The following PPP1R12C variants were observed in gnomAD, a reference collection of about 807,000 sequenced individuals.
PPP1R12C encodes the protein leukocyte receptor cluster (LRC) encoded novel gene 3.
In PPP1R12C, 48 loss-of-function variants were observed where a neutral mutation model predicts 95.6. That is an observed-to-expected ratio of 0.50 (90% CI 0.40 to 0.64). PPP1R12C has a LOEUF of 0.64. PPP1R12C is among the 30% of genes least tolerant of loss of function. The pLI, the probability that PPP1R12C is intolerant of heterozygous loss-of-function variation, is 0.00. For synonymous variants in PPP1R12C, 480 were observed against 460.8 expected (o/e 1.04, Z -0.53); for missense variants, 1,057 against 1,083.3 (o/e 0.98, Z 0.34).
At chr19:55,103,252 A>T (rs554820655) in intron 4 of PPP1R12C, among the ~76,000 whole-genome samples, 157 bp downstream of exon 4, 7 of 152,166 alleles carry the variant, frequency 4.6e-5, no homozygotes, top group Non-Finnish European at 7.4e-5. Flanking sequence ...GAATGACAAT[A>T]AAAAAAAGAC....
Position 55,109,630 on chromosome 19 carries a change from G to T in PPP1R12C, c.571+2837C>A, listed in dbSNP as rs1344466646. ...CAGGGAAAGCGAAGGGGATGGTCGTGCCTGAGGCCGGTCTGTCTTCTCTCC... is the reference window on the plus strand; with the variant it reads ...CAGGGAAAGCGAAGGGGATGGTCGTTCCTGAGGCCGGTCTGTCTTCTCTCC... On this transcript the variant is annotated intron_variant, in intron 3 of 21. Coordinates refer to ENST00000263433, the MANE Select transcript of PPP1R12C (RefSeq NM_017607.4). This position sits in a 1 kb window ranked among gnomAD's most constrained non-coding sequence, Gnocchi z 4.4. Among the ~76,000 whole-genome samples the T allele has an allele frequency of 3.3e-5, 5 of 152,264 alleles. No individual in the cohort carries two copies. Among genetic ancestry groups the T allele is most frequent in the Non-Finnish European group, 5.9e-5 (4 of 68,054 alleles).
rs2084885694 is a variant in PPP1R12C at position 55,094,438 on chromosome 19, G to A, written c.1593-3C>T. Reference sequence around the variant, plus strand: ...CCCGCACAGGCATCTGGTAGGACCTGAGGGAAGGGTCCCAACCTCAGACAG... The same window carrying A: ...CCCGCACAGGCATCTGGTAGGACCTAAGGGAAGGGTCCCAACCTCAGACAG... On this transcript the variant is annotated splice_region_variant and splice_polypyrimidine_tract_variant and intron_variant, in intron 12 of 21. Transcript: ENST00000263433. The A allele has an allele frequency of 1.2e-6, 2 of 1,613,732 alleles. No individual in the cohort carries two copies. Among genetic ancestry groups the A allele is most frequent in the Non-Finnish European group, 1.7e-6 (2 of 1,179,950 alleles).
At chr19:55,113,801 A>C (rs1603009490) in intron 1 of PPP1R12C, 1 of 254,164 alleles carries the variant, frequency 3.9e-6, no homozygotes. Context: ...GTTTATTTCC[A>C]CCCAGTTGTC....
chr19:55,091,391 G>T lies in PPP1R12C; in HGVS notation c.*81C>A. The T allele has an allele frequency of 7.3e-7, 1 of 1,371,278 alleles. No individual in the cohort carries two copies. The highest frequency in any genetic ancestry group is 1.0e-6 in the Non-Finnish European group (1 of 985,186). The allele number at this position is 1,371,278 out of a possible 1,614,324, so 84.9% of individuals were successfully genotyped here. ...TCTCTGAGACTTCCCCCGGAGCCCT[G>T]TCACTCGTGTTCACACGGGGGAAGG... is the stretch of plus-strand genomic sequence containing the variant. On this transcript the variant is annotated 3_prime_UTR_variant, in exon 22 of 22. Coordinates refer to ENST00000263433, the MANE Select transcript of PPP1R12C (RefSeq NM_017607.4).
intron 1 of PPP1R12C, chr19:55,114,281 C>T: frequency 6.4e-6 from 1 of 155,426 alleles, no homozygotes; most frequent in Non-Finnish European, 1.4e-5. Flanking sequence ...CTGTTCAGCC[C>T]TAAGAATCCT....
intron 3 of PPP1R12C, among the ~76,000 whole-genome samples, chr19:55,110,632 C>T (rs113908229): frequency 2.6e-5 from 4 of 152,038 alleles, no homozygotes; most frequent in Non-Finnish European, 5.9e-5. Context: ...CAACACTTTG[C>T]GAGGCCGAGG....
intron 4 of PPP1R12C, 34 bp from the exon 5 acceptor site, chr19:55,099,129 AGG>A (rs2084954639): frequency 6.8e-7 from 1 of 1,478,198 alleles, no homozygotes; most frequent in Non-Finnish European, 9.0e-7. Flanking sequence ...TCAGAGGCCA[AGG>A]CGGGGCCCTT....
rs1842402333 is a variant in PPP1R12C at position 55,091,351 on chromosome 19, A to G, written c.*121T>C. The stretch of plus-strand genomic sequence containing the variant: ...GCTCCCCTCCCAGTCCGGAGGTCCC[A>G]GGGGGGCTATGGCTTCTCTGAGACT... On this transcript the variant is annotated 3_prime_UTR_variant, in exon 22 of 22. Transcript: ENST00000263433. 3.7e-6 allele frequency: 4 copies of G among 1,067,218 alleles called. No homozygotes were observed. In the Middle Eastern group the frequency reaches 9.2e-4, roughly 246 times the overall value. The allele number at this position is 1,067,218 out of a possible 1,614,324, so 66.1% of individuals were successfully genotyped here.
At chr19:55,116,531 G>A (rs2147218751) in intron 1 of PPP1R12C, among the ~76,000 whole-genome samples, 1 of 152,314 alleles carries the variant, frequency 6.6e-6, no homozygotes, top group East Asian at 1.9e-4. Flanking sequence ...GACAGAAAGC[G>A]GCACAGGCCC....
chr19:55,113,733 T>A, intron 1 of PPP1R12C: 1 of 557,144 alleles, frequency 1.8e-6, no homozygotes, highest in Non-Finnish European at 2.6e-6. Context: ...CATGAGGTCA[T>A]GGAAACTCGG....
chr19:55,096,261 C>T lies in PPP1R12C; in HGVS notation c.1025+1G>A. 1 of 1,613,920 alleles carries T rather than the reference C, an allele frequency of 6.2e-7. No individual in the cohort carries two copies. The highest frequency in any genetic ancestry group is 8.5e-7 in the Non-Finnish European group (1 of 1,179,946). On this transcript the variant is annotated splice_donor_variant, in intron 7 of 21. Transcript: ENST00000263433. LOFTEE classifies it high-confidence loss of function. ...AGCCCTGGACTCCTCCCTCCCTATA[C>T]CTTCTGTGTTTGCTGCTAGAGGGCG...
chr19:55,096,651 C>T (rs1248385400), intron 6 of PPP1R12C, among the ~76,000 whole-genome samples: 2 of 152,158 alleles, frequency 1.3e-5, no homozygotes, highest in Non-Finnish European at 2.9e-5. Flanking sequence ...CCCGACCCCT[C>T]AGCATACCCA....
intron 1 of PPP1R12C, chr19:55,115,325 TG>T (rs947630740): frequency 6.6e-6 from 1 of 151,982 alleles, no homozygotes; most frequent in African/African-American, 2.4e-5. Flanking sequence ...CAATATAAAT[TG>T]GGGACTAGAA....
intron 1 of PPP1R12C, chr19:55,115,606 T>C (rs1371297370): frequency 6.7e-6 from 1 of 150,162 alleles, no homozygotes; most frequent in Non-Finnish European, 1.5e-5. Flanking sequence ...AAGCAAACCT[T>C]AGAGGTTCTG....
At chr19:55,092,121 A>G in intron 19 of PPP1R12C, 101 bp downstream of exon 19, 1 of 1,192,208 alleles carries the variant, frequency 8.4e-7, no homozygotes. Flanking sequence ...AGTGAAGCCC[A>G]GCCCCGCCGG....
chr19:55,094,686 G>C lies in PPP1R12C; in HGVS notation c.1567C>G (p.Pro523Ala). ...PNVPTASTAP[P>A]ADSRDRRRSY... The stretch of plus-strand genomic sequence containing the variant: ...CTCCGTCGGTCCCGGGAGTCCGCTG[G>C]GGGCGCCGTGGAGGCTGTGGGGACG... The change falls in exon 12 of 22, where the codon CCA becomes GCA. Residue 523 changes from proline to alanine, a missense_variant. Around this residue, in one of 5 missense-constraint regions of PPP1R12C, gnomAD observed 356 missense variants for 330.5 expected, o/e 1.08. Coordinates refer to ENST00000263433, the MANE Select transcript of PPP1R12C (RefSeq NM_017607.4). 6.2e-7 allele frequency: 1 copy of C among 1,605,018 alleles called. No individual in the cohort carries two copies. The highest frequency in any genetic ancestry group is 8.5e-7 in the Non-Finnish European group (1 of 1,177,442).
chr19:55,113,796 T>G (rs1294703149), intron 1 of PPP1R12C: 1 of 267,982 alleles, frequency 3.7e-6, no homozygotes. Flanking sequence ...GGCTCGTTTA[T>G]TTCCACCCAG....
At chr19:55,106,306 T>C (rs978071398) in intron 3 of PPP1R12C, among the ~76,000 whole-genome samples, 1 of 152,230 alleles carries the variant, frequency 6.6e-6, no homozygotes, top group African/African-American at 2.4e-5. Flanking sequence ...ATGATGAACA[T>C]CTGCCCATGG....
rs772021377 is a variant in PPP1R12C, at chr19:55,092,548, G to A, written c.1953-4C>T. The A allele has an allele frequency of 8.1e-6, 13 of 1,596,912 alleles. No homozygotes were observed. The highest frequency in any genetic ancestry group is 3.5e-5 in the Admixed American group (2 of 57,428). ...CGAGGGGCCGCCCTCCAGGGTGCTGGGGCAGGGGAGGAGCGCGCGTCAGGG... is the reference window on the plus strand; with the variant it reads ...CGAGGGGCCGCCCTCCAGGGTGCTGAGGCAGGGGAGGAGCGCGCGTCAGGG... On this transcript the variant is annotated splice_polypyrimidine_tract_variant and splice_region_variant and intron_variant, in intron 17 of 21. Coordinates refer to ENST00000263433, the MANE Select transcript of PPP1R12C (RefSeq NM_017607.4).
Sources: gnomAD v4.1 joint callset for allele counts (sites outside exome capture counted in the v4.1 genomes callset) on GRCh38, gnomAD v4.1.1 for gene constraint, gnomAD v4.1.1 regional missense constraint, Gnocchi (gnomAD v3.1) non-coding constraint, MANE v1.5 for transcripts, NCBI Gene and HGNC (gene_info 2026-07-23, HGNC 2026-07-21) for gene names.